The following OSBPL10 variants were observed in gnomAD, a reference collection of about 807,000 sequenced individuals.
OSBPL10 encodes the protein oxysterol-binding protein-related protein 10.
Under a neutral mutation model 81.7 loss-of-function variants are expected in OSBPL10, and 49 were observed. The observed-to-expected ratio is 0.60, with a 90% CI of 0.48 to 0.76. The LOEUF is 0.76. Ranked by LOEUF, OSBPL10 falls within the 30% of genes least tolerant of loss-of-function variation. The pLI is 0.00. For missense variants in OSBPL10, 923 were observed against 987.8 expected (o/e 0.93, Z 0.88); for synonymous variants, 419 against 383.6 (o/e 1.09, Z -1.08).
At chr3:31,749,171 T>C (rs1697632842) in intron 4 of OSBPL10, among the ~76,000 whole-genome samples, 1 of 152,210 alleles carries the variant, frequency 6.6e-6, no homozygotes, top group South Asian at 2.1e-4. Flanking sequence ...TGGAGGATCC[T>C]TGTCACCATG....
intron 5 of OSBPL10, among the ~76,000 whole-genome samples, chr3:31,740,432 T>C (rs1697304985): frequency 6.6e-6 from 1 of 151,850 alleles, no homozygotes; most frequent in South Asian, 2.1e-4. Flanking sequence ...TCATACATTA[T>C]CTAAGTATTA....
chr3:31,830,170 G>A lies in OSBPL10; in HGVS notation c.599C>T (p.Ala200Val), dbSNP rs990677677. 71 of 1,614,026 alleles carry A rather than the reference G, an allele frequency of 4.4e-5. No individual in the cohort carries two copies. The highest frequency in any genetic ancestry group is 5.8e-5 in the Non-Finnish European group (68 of 1,180,016). The change falls in exon 4 of 12, where the codon GCG (alanine) becomes GTG (valine). Residue 200 changes from alanine to valine, a missense_variant. Ala to Val is a moderately conservative substitution (Grantham distance 64). This residue lies in a region of OSBPL10 where 514 missense variants were observed against 508.0 expected (regional missense o/e 1.01). Coordinates refer to ENST00000396556, the MANE Select transcript of OSBPL10 (RefSeq NM_017784.5). ...GAGGTGTCTCTGGCTACAGGGAGAC[G>A]CAGAATTGGGTGTTCCATGTGGGAG... Reference protein sequence around the residue: ...TLLPHGTPNSASPCSQRHLSV... With the variant: ...TLLPHGTPNSVSPCSQRHLSV...
intron 1 of OSBPL10, among the ~76,000 whole-genome samples, chr3:31,954,375 G>A (rs985720254): frequency 1.3e-5 from 2 of 152,298 alleles, no homozygotes; most frequent in Admixed American, 1.3e-4. Context: ...TCCATGAGGA[G>A]GGCTTCTGGT....
chr3:31,740,380 A>C (rs1697303609), intron 5 of OSBPL10, among the ~76,000 whole-genome samples: 1 of 152,200 alleles, frequency 6.6e-6, no homozygotes, highest in Non-Finnish European at 1.5e-5. Flanking sequence ...ACATAACTGA[A>C]TATTAAAGTC....
chr3:31,943,823 C>T (rs1456732497), intron 1 of OSBPL10, among the ~76,000 whole-genome samples: 3 of 151,774 alleles, frequency 2.0e-5, no homozygotes, highest in Non-Finnish European at 4.4e-5. Context: ...AAAAAACTAG[C>T]CAGGCATGGT....
At chr3:31,802,188 C>A (rs115497239) in intron 4 of OSBPL10, among the ~76,000 whole-genome samples, 1,747 of 151,534 alleles carry the variant, frequency 0.012, 34 homozygotes, top group African/African-American at 0.04. Flanking sequence ...GCCGTAAGAA[C>A]TAAGCCCTTA....
chr3:31,787,219 AG>A (rs1372539292), intron 4 of OSBPL10, among the ~76,000 whole-genome samples: 1 of 152,200 alleles, frequency 6.6e-6, no homozygotes, highest in Admixed American at 6.5e-5. Context: ...ATTCTTTTAA[AG>A]TCCTAAAAAT....
At chr3:31,715,282 T>C (rs971782122) in intron 6 of OSBPL10, among the ~76,000 whole-genome samples, 7 of 152,352 alleles carry the variant, frequency 4.6e-5, no homozygotes, top group East Asian at 1.9e-4. Flanking sequence ...TTGGACAGCA[T>C]AGAAAGAAAA....
At chr3:31,665,793 G>A (rs564905628) in intron 10 of OSBPL10, among the ~76,000 whole-genome samples, 7 of 152,170 alleles carry the variant, frequency 4.6e-5, no homozygotes, top group African/African-American at 1.2e-4. Flanking sequence ...CACACCTTAC[G>A]CTGAGGGTGG....
intron 1 of OSBPL10, among the ~76,000 whole-genome samples, chr3:31,915,738 C>T (rs775086213): frequency 4.7e-5 from 7 of 149,854 alleles, no homozygotes; most frequent in Non-Finnish European, 1.0e-4. Context: ...TGCCCGTGTA[C>T]CTCCAAATCT....
chr3:31,747,392 T>C (rs956133131), intron 5 of OSBPL10, among the ~76,000 whole-genome samples: 1 of 151,114 alleles, frequency 6.6e-6, no homozygotes, highest in African/African-American at 2.4e-5. Context: ...AGGGTTTCTT[T>C]ACTATGTTCT....
chr3:31,779,100 C>T (rs749021615), intron 4 of OSBPL10, among the ~76,000 whole-genome samples: 5 of 151,960 alleles, frequency 3.3e-5, no homozygotes, highest in Non-Finnish European at 5.9e-5. Flanking sequence ...TCAAAATACA[C>T]CAAAATAGAA....
intron 4 of OSBPL10, among the ~76,000 whole-genome samples, chr3:31,807,290 T>G (rs779289396): frequency 5.9e-5 from 9 of 151,886 alleles, no homozygotes; most frequent in Non-Finnish European, 1.0e-4. Context: ...TGGGAATTGC[T>G]TGAACCCAGG....
chr3:31,958,957 A>G (rs189908760), intron 1 of OSBPL10, among the ~76,000 whole-genome samples: 1 of 152,200 alleles, frequency 6.6e-6, no homozygotes, highest in African/African-American at 2.4e-5. Flanking sequence ...AGCACATGGG[A>G]AACTCATTAA....
At chr3:32,047,378 T>C (rs986645879) in intron 1 of OSBPL10, among the ~76,000 whole-genome samples, 1 of 152,194 alleles carries the variant, frequency 6.6e-6, no homozygotes, top group Non-Finnish European at 1.5e-5. Context: ...TGGTTATTTC[T>C]TGATTATATG....
chr3:31,726,710 G>A (rs1696818602), intron 6 of OSBPL10, among the ~76,000 whole-genome samples: 1 of 151,440 alleles, frequency 6.6e-6, no homozygotes, highest in Non-Finnish European at 1.5e-5. Context: ...CTGCCACAAT[G>A]AAGTGACAAG....
chr3:31,721,136 T>C (rs929249964), intron 6 of OSBPL10, among the ~76,000 whole-genome samples: 2 of 152,098 alleles, frequency 1.3e-5, no homozygotes, highest in East Asian at 3.9e-4. Context: ...CTGTTGGCTC[T>C]GAAGATGGAG....
chr3:32,024,635 C>T (rs1174233650), intron 2 of OSBPL10, among the ~76,000 whole-genome samples: 1 of 151,976 alleles, frequency 6.6e-6, no homozygotes, highest in African/African-American at 2.4e-5. Context: ...CACGCGCCTG[C>T]CACCATGCTA....
At chr3:31,895,538 C>T (rs895298326) in intron 1 of OSBPL10, among the ~76,000 whole-genome samples, 1 of 152,224 alleles carries the variant, frequency 6.6e-6, no homozygotes, top group East Asian at 1.9e-4. Context: ...TTTAAAGCTC[C>T]TCAGGTGGTT....
Sources: allele counts gnomAD v4.1 joint callset (sites outside exome capture counted in the v4.1 genomes callset), GRCh38; gene constraint gnomAD v4.1.1; regional missense constraint gnomAD v4.1.1; transcripts MANE v1.5; gene names NCBI Gene and HGNC (gene_info 2026-07-23, HGNC 2026-07-21).